Variants in NCKAP5 observed in about 807,000 individuals in gnomAD.
NCKAP5 encodes NCK associated protein 5.
Under a neutral mutation model 167.0 loss-of-function variants are expected in NCKAP5, and 92 were observed. That is an observed-to-expected ratio of 0.55 (90% confidence interval 0.47 to 0.66). NCKAP5 has a LOEUF of 0.66. Among genes scored for constraint, NCKAP5 ranks in the 30% least tolerant of loss-of-function variants. NCKAP5 has a pLI of 0.00. For missense variants in NCKAP5, 2,378 were observed against 2,315.0 expected, an observed-to-expected ratio of 1.03 and a Z score of -0.56; for synonymous variants, 891 against 877.4, an observed-to-expected ratio of 1.02 and a Z score of -0.27.
intron 8 of NCKAP5, among the ~76,000 whole-genome samples, chr2:132,902,831 C>T (rs1460808019): frequency 6.6e-6 from 1 of 152,180 alleles, no homozygotes; most frequent in African/African-American, 2.4e-5. Flanking sequence ...TCCTCTTGCT[C>T]ATCCCCATAA....
chr2:133,413,155 A>G (rs1688881527), intron 3 of NCKAP5, among the ~76,000 whole-genome samples: 2 of 152,254 alleles, frequency 1.3e-5, no homozygotes, highest in African/African-American at 2.4e-5. Flanking sequence ...CAAGTGTCAG[A>G]GCACAGGCCC....
At chr2:133,571,024 C>G (rs1457709818), upstream of NCKAP5, among the ~76,000 whole-genome samples, 1 of 152,020 alleles carries the variant, frequency 6.6e-6, no homozygotes, top group East Asian at 1.9e-4. Flanking sequence ...AAAAAAAAGT[C>G]CAAGAAAAAG....
At chr2:132,962,354 C>CAG (rs1480694894) in intron 8 of NCKAP5, among the ~76,000 whole-genome samples, 2 of 151,924 alleles carry the variant, frequency 1.3e-5, no homozygotes, top group African/African-American at 4.8e-5. Flanking sequence ...GCTGAGGGAA[C>CAG]AGAGGCATGG....
intron 8 of NCKAP5, among the ~76,000 whole-genome samples, chr2:132,903,138 G>T (rs1479351271): frequency 6.6e-6 from 1 of 152,184 alleles, no homozygotes; most frequent in East Asian, 1.9e-4. Context: ...AAGATGCCTA[G>T]TCTAAAGTGA....
chr2:132,956,203 G>A (rs977156847), intron 8 of NCKAP5, among the ~76,000 whole-genome samples: 2 of 152,162 alleles, frequency 1.3e-5, no homozygotes, highest in Non-Finnish European at 2.9e-5. Flanking sequence ...TGCCATAAAT[G>A]TATCTAATTA....
At chr2:132,744,720 T>C (rs1679499126) in intron 16 of NCKAP5, among the ~76,000 whole-genome samples, 1 of 150,710 alleles carries the variant, frequency 6.6e-6, no homozygotes, top group Non-Finnish European at 1.5e-5. Context: ...TCCAACTAGA[T>C]TGAGGAAACA....
At chr2:132,745,220 C>T (rs1280934154) in intron 16 of NCKAP5, among the ~76,000 whole-genome samples, 1 of 151,698 alleles carries the variant, frequency 6.6e-6, no homozygotes, top group East Asian at 1.9e-4. Flanking sequence ...AATTGATTTG[C>T]TATTAAGCAT....
chr2:133,605,326 G>C, the NCKAP5 span, among the ~76,000 whole-genome samples: 1 of 152,168 alleles, frequency 6.6e-6, no homozygotes, highest in Non-Finnish European at 1.5e-5. Flanking sequence ...TCCTTGCCTT[G>C]GGTGAGGGGA....
At chr2:132,880,823 G>A (rs917151820) in intron 8 of NCKAP5, among the ~76,000 whole-genome samples, 5 of 152,110 alleles carry the variant, frequency 3.3e-5, no homozygotes, top group African/African-American at 1.2e-4. Flanking sequence ...TTCACAAATT[G>A]TTAACGTTTT....
chr2:132,785,191 G>A lies in NCKAP5; in HGVS notation c.1620C>T (p.Cys540=), dbSNP rs765781290. 9.5e-6 allele frequency: 15 copies of A among 1,579,466 alleles called. No individual in the cohort carries two copies. The highest frequency in any genetic ancestry group is 3.5e-5 in the South Asian group (3 of 85,240). The part of the protein sequence containing the change: ...PKERPEKLTS[C]ASSCPLEMKL... The stretch of plus-strand genomic sequence containing the variant: ...TCATCTCTAAGGGACAGCTGCTGGC[G>A]CAACTTGTCAGCTTTTCAGGCCTTT... Residue 540 remains cysteine (C), a synonymous_variant, in exon 14 of 20, where the codon TGC becomes TGT. Coordinates refer to ENST00000409261, the MANE Select transcript of NCKAP5 (RefSeq NM_207363.3).
In NCKAP5 at chr2:132,700,367, G is replaced by T. The variant is rs187419168; in HGVS notation, c.5713+25260C>A. Among the ~76,000 whole-genome samples the T allele has an allele frequency of 7.3e-4, 111 of 152,264 alleles. 1 individual carries two copies. In the East Asian group the frequency reaches 0.019, roughly 26 times the overall value. On this transcript the variant is annotated intron_variant, in intron 19 of 19. Coordinates refer to ENST00000409261, the MANE Select transcript of NCKAP5 (RefSeq NM_207363.3). ...GTCAATTTTGGCTTTTGCTGCTATTGCTTTTGGTGTTTTAGTCATGAAGTC... is the reference window on the plus strand; with the variant it reads ...GTCAATTTTGGCTTTTGCTGCTATTTCTTTTGGTGTTTTAGTCATGAAGTC...
the NCKAP5 span, among the ~76,000 whole-genome samples, chr2:133,624,147 G>A: frequency 9.4e-4 from 143 of 152,158 alleles, 1 homozygote; most frequent in South Asian, 8.7e-3. Flanking sequence ...GTGGGGGATG[G>A]TGAGGGATAA....
intron 15 of NCKAP5, among the ~76,000 whole-genome samples, chr2:132,780,147 A>G (rs1360549772): frequency 6.6e-6 from 1 of 152,152 alleles, no homozygotes; most frequent in African/African-American, 2.4e-5. Flanking sequence ...ATACTCTTTC[A>G]TTTATTTTTT....
At chr2:133,536,341 A>G (rs1171588951) in intron 2 of NCKAP5, among the ~76,000 whole-genome samples, 1 of 152,126 alleles carries the variant, frequency 6.6e-6, no homozygotes, top group Admixed American at 6.5e-5. Flanking sequence ...GTCCAGTTTC[A>G]TTCTTCTACA....
chr2:133,020,339 T>C (rs1163505862), intron 6 of NCKAP5, among the ~76,000 whole-genome samples: 2 of 152,186 alleles, frequency 1.3e-5, no homozygotes, highest in African/African-American at 2.4e-5. Flanking sequence ...CTGAGTCCTA[T>C]GGTGGTCAGC....
At chr2:133,462,289 A>G (rs927158934) in intron 3 of NCKAP5, among the ~76,000 whole-genome samples, 10 of 152,114 alleles carry the variant, frequency 6.6e-5, no homozygotes, top group Non-Finnish European at 1.3e-4. Flanking sequence ...TCACATGATA[A>G]AGTTGTCAGA....
intron 6 of NCKAP5, among the ~76,000 whole-genome samples, chr2:133,092,089 G>A (rs1026019703): frequency 6.6e-6 from 1 of 152,140 alleles, no homozygotes; most frequent in Non-Finnish European, 1.5e-5. Flanking sequence ...CACCACAGTG[G>A]GTTGAATTGT....
At chr2:133,352,039 C>T (rs1268669749) in intron 3 of NCKAP5, among the ~76,000 whole-genome samples, 1 of 152,178 alleles carries the variant, frequency 6.6e-6, no homozygotes, top group African/African-American at 2.4e-5. Flanking sequence ...CAACTGGCCT[C>T]TGGAGGGGTG....
intron 3 of NCKAP5, among the ~76,000 whole-genome samples, chr2:133,342,097 C>T (rs1683633301): frequency 6.6e-6 from 1 of 152,010 alleles, no homozygotes. Context: ...CGCCACCATG[C>T]CCAGCTAATT....
Sources: gnomAD v4.1 joint callset for allele counts (sites outside exome capture counted in the v4.1 genomes callset) on GRCh38, gnomAD v4.1.1 for gene constraint, MANE v1.5 for transcripts, NCBI Gene and HGNC (gene_info 2026-07-23, HGNC 2026-07-21) for gene names.